CTNND2: variants seen among roughly 807,000 people sequenced by gnomAD.
CTNND2 encodes the protein catenin delta 2.
Under a neutral mutation model 144.4 loss-of-function variants are expected in CTNND2, and 22 were observed. The observed-to-expected ratio is 0.15, with a 90% CI of 0.11 to 0.22. CTNND2 has a LOEUF of 0.22. Among genes scored for constraint, CTNND2 ranks in the 10% least tolerant of loss-of-function variants. The pLI is 1.00. For synonymous variants in CTNND2, 751 were observed against 695.6 expected, an observed-to-expected ratio of 1.08 and a Z score of -1.25; for missense variants, 1,353 against 1,618.8, an observed-to-expected ratio of 0.84 and a Z score of 2.82.
chr5:11,672,733 G>A lies in CTNND2; in HGVS notation c.174+59403C>T, dbSNP rs538345564. Among the ~76,000 whole-genome samples the A allele has an allele frequency of 1.6e-3, 241 of 152,286 alleles. 1 individual carries two copies. The highest frequency in any genetic ancestry group is 5.5e-3 in the African/African-American group (228 of 41,570). ...GCTCCATAGGGGTGGGACCCACCGAGCCAGGTACTGGAGGGAGTCTCCTGG... is the reference window on the plus strand; with the variant it reads ...GCTCCATAGGGGTGGGACCCACCGAACCAGGTACTGGAGGGAGTCTCCTGG... On this transcript the variant is annotated intron_variant, in intron 2 of 21. Coordinates refer to ENST00000304623, the MANE Select transcript of CTNND2 (RefSeq NM_001332.4).
chr5:11,747,408 A>G (rs932046992), intron 1 of CTNND2, among the ~76,000 whole-genome samples: 10 of 152,172 alleles, frequency 6.6e-5, no homozygotes, highest in African/African-American at 2.2e-4. Flanking sequence ...TTTGGCTGAA[A>G]CTTCAAAGAA....
chr5:11,619,110 C>T (rs999478938), intron 2 of CTNND2, among the ~76,000 whole-genome samples: 2 of 152,056 alleles, frequency 1.3e-5, no homozygotes, highest in Non-Finnish European at 2.9e-5. Flanking sequence ...ATAAAAACAA[C>T]TCAAAATTAT....
intron 2 of CTNND2, among the ~76,000 whole-genome samples, chr5:11,689,362 T>C (rs894765099): frequency 6.6e-6 from 1 of 152,228 alleles, no homozygotes; most frequent in African/African-American, 2.4e-5. Flanking sequence ...TAAAACATAA[T>C]TAAAATCTCT....
intron 5 of CTNND2, among the ~76,000 whole-genome samples, chr5:11,400,318 T>C (rs887776608): frequency 6.6e-6 from 1 of 152,138 alleles, no homozygotes; most frequent in African/African-American, 2.4e-5. Context: ...AATGTAATGA[T>C]TTCCAGTAGA....
At chr5:11,527,954 C>T (rs1301291661) in intron 3 of CTNND2, among the ~76,000 whole-genome samples, 2 of 152,110 alleles carry the variant, frequency 1.3e-5, no homozygotes, top group Non-Finnish European at 2.9e-5. Flanking sequence ...CAGATTTAAA[C>T]AGATTTCTTT....
chr5:11,348,492 T>C (rs981889466), intron 8 of CTNND2, among the ~76,000 whole-genome samples: 4 of 149,582 alleles, frequency 2.7e-5, no homozygotes, highest in East Asian at 2.0e-4. Context: ...GCATTTTTCA[T>C]AGATGTGCAT....
intron 7 of CTNND2, among the ~76,000 whole-genome samples, chr5:11,371,403 T>A (rs954058364): frequency 1.3e-5 from 2 of 152,218 alleles, no homozygotes; most frequent in Non-Finnish European, 2.9e-5. Flanking sequence ...ATATTACATC[T>A]TAGATCTGAA....
intron 9 of CTNND2, among the ~76,000 whole-genome samples, chr5:11,289,489 A>G (rs1213608344): frequency 6.6e-6 from 1 of 152,226 alleles, no homozygotes; most frequent in African/African-American, 2.4e-5. Context: ...TATGCTCACA[A>G]AAGAGCAACT....
intron 1 of CTNND2, among the ~76,000 whole-genome samples, chr5:11,748,751 T>G (rs1788451616): frequency 6.6e-6 from 1 of 152,084 alleles, no homozygotes; most frequent in African/African-American, 2.4e-5. Flanking sequence ...TGTTACTATC[T>G]CTGTTGGGTT....
At position 11,572,930 on chromosome 5, in the gene CTNND2, A is replaced by G. The variant is rs555274721; in HGVS notation, c.175-7874T>C. On this transcript the variant is annotated intron_variant, in intron 2 of 21. Transcript: ENST00000304623. ...CAAAATAACCACTCAAGTGCTCTGA[A>G]GTATTTAATTAGAAAGCAGATTTCA... Among the ~76,000 whole-genome samples the G allele has an allele frequency of 7.2e-5, 11 of 152,342 alleles. No homozygotes were observed. In the South Asian group the frequency reaches 1.7e-3, roughly 23 times the overall value.
chr5:11,826,938 C>A (rs1257640444), intron 1 of CTNND2, among the ~76,000 whole-genome samples: 1 of 151,844 alleles, frequency 6.6e-6, no homozygotes, highest in Non-Finnish European at 1.5e-5. Flanking sequence ...AAACTGGCCA[C>A]AATAAAAGAA....
chr5:11,775,235 C>G (rs569100377), intron 1 of CTNND2, among the ~76,000 whole-genome samples: 61 of 152,214 alleles, frequency 4.0e-4, no homozygotes, highest in Non-Finnish European at 7.9e-4. Context: ...TTCCTAAATT[C>G]TCGGAGAACA....
intron 9 of CTNND2, among the ~76,000 whole-genome samples, chr5:11,345,240 A>G (rs1227456575): frequency 6.6e-6 from 1 of 152,192 alleles, no homozygotes; most frequent in African/African-American, 2.4e-5. Flanking sequence ...TGCTGTTGAG[A>G]CTGAAAATCT....
chr5:11,203,030 C>T (rs191609510), intron 10 of CTNND2, among the ~76,000 whole-genome samples: 2 of 152,268 alleles, frequency 1.3e-5, no homozygotes, highest in East Asian at 1.9e-4. Flanking sequence ...GTCTCAAACT[C>T]CTGACCTCAG....
chr5:11,168,393 T>C (rs1165352870), intron 11 of CTNND2, among the ~76,000 whole-genome samples: 1 of 152,198 alleles, frequency 6.6e-6, no homozygotes, highest in East Asian at 1.9e-4. Flanking sequence ...TATGTCAGTG[T>C]TTGGTAGTGG....
At chr5:10,992,778 T>A in intron 18 of CTNND2, 101 bp from the exon 19 acceptor site, 1 of 1,472,104 alleles carries the variant, frequency 6.8e-7, no homozygotes, top group Non-Finnish European at 9.2e-7. Context: ...ATAATATTTC[T>A]ATGGTGTGTC....
intron 10 of CTNND2, among the ~76,000 whole-genome samples, chr5:11,221,083 G>A (rs746846096): frequency 5.3e-5 from 8 of 152,130 alleles, no homozygotes; most frequent in Admixed American, 6.5e-5. Context: ...CTTATGTTTG[G>A]AGCATGGTTA....
intron 12 of CTNND2, among the ~76,000 whole-genome samples, chr5:11,140,609 G>A (rs780509114): frequency 5.9e-5 from 9 of 152,128 alleles, no homozygotes; most frequent in Non-Finnish European, 1.0e-4. Context: ...CTACTGTGAT[G>A]TCAAACACAT....
intron 1 of CTNND2, among the ~76,000 whole-genome samples, chr5:11,786,049 G>T (rs1328382825): frequency 6.6e-6 from 1 of 152,208 alleles, no homozygotes; most frequent in African/African-American, 2.4e-5. Flanking sequence ...CAGAGCACAT[G>T]GCTCACCTCA....
Sources: gnomAD v4.1 joint callset for allele counts (sites outside exome capture counted in the v4.1 genomes callset) on GRCh38, gnomAD v4.1.1 for gene constraint, MANE v1.5 for transcripts, NCBI Gene and HGNC (gene_info 2026-07-23, HGNC 2026-07-21) for gene names.